The following NCOA6 variants were observed in gnomAD, a reference collection of about 807,000 sequenced individuals.
The protein encoded by NCOA6 is NRC RAP250.
In NCOA6, 49 loss-of-function variants were observed where a neutral mutation model predicts 171.4. The observed-to-expected ratio is 0.29, with a 90% CI of 0.23 to 0.36. The LOEUF is 0.36. Ranked by LOEUF, NCOA6 falls within the 10% of genes least tolerant of loss-of-function variation. NCOA6 has a pLI of 1.00. For missense variants in NCOA6, 2,248 were observed against 2,554.5 expected (o/e 0.88, Z 2.59); for synonymous variants, 910 against 927.5 (o/e 0.98, Z 0.34).
chr20:34,765,469 T>C (rs1490452215), intron 5 of NCOA6, among the ~76,000 whole-genome samples: 2 of 151,320 alleles, frequency 1.3e-5, no homozygotes, highest in African/African-American at 4.9e-5. Context: ...AAACAGGTCT[T>C]CTTGGTCCAT....
At position 34,757,997 on chromosome 20, in the gene NCOA6, G is replaced by T. The variant is rs1185005077; in HGVS notation, c.751C>A (p.Gln251Lys). Residue 251 changes from glutamine (Q) to lysine (K), a missense_variant, in exon 7 of 15, where the codon CAA becomes AAA. Transcript: ENST00000359003. Reference sequence around the variant, plus strand: ...TGGGGAAAATTAGCTGGGTTCATTTGTCTGTTCACAGAGACAGGCTGCATT... The same window carrying T: ...TGGGGAAAATTAGCTGGGTTCATTTTTCTGTTCACAGAGACAGGCTGCATT... The part of the protein sequence containing the change: ...HPMQPVSVNR[Q>K]MNPANFPQLQ... 1.2e-6 allele frequency: 2 copies of T among 1,614,128 alleles called. No homozygotes were observed. The highest frequency in any genetic ancestry group is 1.7e-6 in the Non-Finnish European group (2 of 1,180,046).
chr20:34,792,304 T>C (rs551218618), intron 2 of NCOA6, 146 bp downstream of exon 2: 1 of 370,038 alleles, frequency 2.7e-6, no homozygotes, highest in East Asian at 3.9e-5. Flanking sequence ...AACAGAAGAA[T>C]AGCATCTGTA....
At chr20:34,777,658 A>G (rs2077373854) in intron 3 of NCOA6, among the ~76,000 whole-genome samples, 1 of 152,004 alleles carries the variant, frequency 6.6e-6, no homozygotes, top group Non-Finnish European at 1.5e-5. Context: ...TGTCAGTGGG[A>G]ATGTAAAAGG....
chr20:34,754,602 TG>T, intron 8 of NCOA6, 119 bp downstream of exon 8: 1 of 1,193,360 alleles, frequency 8.4e-7, no homozygotes. Context: ...TAATTATTTA[TG>T]GGCTTGAAAT....
chr20:34,751,376 C>CAAAAAAAAGAAAAAAAAAAAAAAAAA (rs2076478446), intron 8 of NCOA6, among the ~76,000 whole-genome samples: 1 of 68,294 alleles, frequency 1.5e-5, no homozygotes, highest in Non-Finnish European at 2.8e-5. Context: ...GACTCCGTCT[C>CAAAAAAAAGAAAAAAAAAAAAAAAAA]AAAAAAAAAA....
intron 1 of NCOA6, among the ~76,000 whole-genome samples, chr20:34,807,108 T>C (rs1371923596): frequency 6.6e-6 from 1 of 152,202 alleles, no homozygotes; most frequent in Non-Finnish European, 1.5e-5. Context: ...AAAATTGTGA[T>C]TTCCATCTTC....
intron 11 of NCOA6, among the ~76,000 whole-genome samples, chr20:34,740,090 T>C (rs2076084883): frequency 6.6e-6 from 1 of 152,208 alleles, no homozygotes. Context: ...CTCGAATTCC[T>C]GACCTCAACT....
At chr20:34,794,091 A>C (rs1226708711) in intron 1 of NCOA6, among the ~76,000 whole-genome samples, 2 of 152,220 alleles carry the variant, frequency 1.3e-5, no homozygotes, top group East Asian at 3.8e-4. Context: ...CGGTAGTGCA[A>C]ATTGGTACAC....
chr20:34,727,200 T>C, intron 14 of NCOA6, 59 bp downstream of exon 14: 1 of 1,562,762 alleles, frequency 6.4e-7, no homozygotes, highest in Non-Finnish European at 8.7e-7. Flanking sequence ...TCTACTGCTG[T>C]GGTAAGAACT....
At chr20:34,768,066 C>A (rs527779006) in intron 5 of NCOA6, among the ~76,000 whole-genome samples, 2 of 152,228 alleles carry the variant, frequency 1.3e-5, no homozygotes, top group Admixed American at 1.3e-4. Context: ...TCCACATAAG[C>A]ACACAAGAAC....
At chr20:34,807,119 C>T (rs1207702634) in intron 1 of NCOA6, among the ~76,000 whole-genome samples, 1 of 152,122 alleles carries the variant, frequency 6.6e-6, no homozygotes, top group East Asian at 1.9e-4. Context: ...TTCCATCTTC[C>T]TAGGAGACTT....
rs969647226 is a variant in NCOA6, at chr20:34,782,124, T to A, written c.232A>T (p.Met78Leu). ...AAAAATAATTAAAGCAAATTACCCA[T>A]GTGTAACAAATTGGGCACGTTTTTC... ...ILKNVPNLLH[M>L]ESSKLKVQKV... Residue 78 changes from methionine to leucine, a missense_variant, in exon 3 of 15, where the codon ATG becomes TTG. Met to Leu is a conservative substitution (Grantham distance 15). Coordinates refer to ENST00000359003, the MANE Select transcript of NCOA6 (RefSeq NM_014071.5). 2.5e-6 allele frequency: 4 copies of A among 1,572,088 alleles called. No individual in the cohort carries two copies. The highest frequency in any genetic ancestry group is 2.6e-6 in the Non-Finnish European group (3 of 1,149,508).
intron 12 of NCOA6, 89 bp downstream of exon 12, chr20:34,736,601 G>T: frequency 9.2e-7 from 1 of 1,084,842 alleles, no homozygotes; most frequent in Non-Finnish European, 1.3e-6. Flanking sequence ...TCACTTCCTG[G>T]CATAAGAACA....
chr20:34,758,692 G>T, intron 6 of NCOA6, 113 bp downstream of exon 6: 1 of 1,357,534 alleles, frequency 7.4e-7, no homozygotes, highest in Non-Finnish European at 1.0e-6. Context: ...TGTAAAGAAG[G>T]TTGACATTGT....
chr20:34,802,348 T>C (rs980336434), intron 1 of NCOA6, among the ~76,000 whole-genome samples: 3 of 152,194 alleles, frequency 2.0e-5, no homozygotes, highest in African/African-American at 7.2e-5. Flanking sequence ...ACACCTGTAA[T>C]CCCAGCACTT....
At chr20:34,773,200 T>C (rs563386350) in intron 4 of NCOA6, among the ~76,000 whole-genome samples, 4 of 152,334 alleles carry the variant, frequency 2.6e-5, no homozygotes, top group African/African-American at 7.2e-5. Context: ...TGAGATCTTA[T>C]GGCCTGCAAA....
At position 34,757,261 on chromosome 20, in the gene NCOA6, G is replaced by A. The variant is rs201926078; in HGVS notation, c.1487C>T (p.Pro496Leu). The A allele has an allele frequency of 2.5e-5, 40 of 1,608,238 alleles. No homozygotes were observed. Among genetic ancestry groups the A allele is most frequent in the Non-Finnish European group, 3.3e-5 (39 of 1,176,954 alleles). Residue 496 changes from proline to leucine, a missense_variant, in exon 7 of 15, where the codon CCA becomes CTA. By Grantham distance (98) the Pro-to-Leu change is moderately conservative. Around this residue, in one of 7 missense-constraint regions of NCOA6, gnomAD observed 987 missense variants for 1,104.7 expected, o/e 0.89. Coordinates refer to ENST00000359003, the MANE Select transcript of NCOA6 (RefSeq NM_014071.5). ...TAAACTCTGTGGCCCCTGGTTTGGTGGTTGCTGCTGCATCACCATGAAGTT... is the reference window on the plus strand; with the variant it reads ...TAAACTCTGTGGCCCCTGGTTTGGTAGTTGCTGCTGCATCACCATGAAGTT... ...PPNFMVMQQQ[P>L]PNQGPQSLHP...
chr20:34,774,403 C>T (rs2077246868), intron 4 of NCOA6, among the ~76,000 whole-genome samples: 1 of 152,202 alleles, frequency 6.6e-6, no homozygotes, highest in African/African-American at 2.4e-5. Context: ...AGTGGTATTG[C>T]TTAAGCCACT....
At position 34,758,856 on chromosome 20, in the gene NCOA6, C is replaced by G. The variant is rs777558402; in HGVS notation, c.592G>C (p.Gly198Arg). The change falls in exon 6 of 15, where the codon GGC becomes CGC. Residue 198 changes from glycine to arginine, a missense_variant. Gly to Arg is a moderately radical substitution (Grantham distance 125). Coordinates refer to ENST00000359003, the MANE Select transcript of NCOA6 (RefSeq NM_014071.5). ...GNVSSSMMAP[G>R]PNPELQPRTP... is the part of the protein sequence containing the mutation. ...CTGGGCTGCAGCTCTGGATTGGGGC[C>G]TGGTGCCATCATGGAAGATGACACA... 1 of 1,613,604 alleles carries G rather than the reference C, an allele frequency of 6.2e-7. No homozygotes were observed. Among genetic ancestry groups the G allele is most frequent in the East Asian group, 2.2e-5 (1 of 44,872 alleles).
Sources: gnomAD v4.1 joint callset for allele counts (sites outside exome capture counted in the v4.1 genomes callset) on GRCh38, gnomAD v4.1.1 for gene constraint, gnomAD v4.1.1 regional missense constraint, MANE v1.5 for transcripts, NCBI Gene and HGNC (gene_info 2026-07-23, HGNC 2026-07-21) for gene names.